Variants in PCSK2 observed in about 807,000 individuals in gnomAD.
The protein encoded by PCSK2 is proprotein convertase subtilisin/kexin type 2, also known as neuroendocrine convertase 2.
PCSK2 carries 14 observed loss-of-function variants against 69.7 expected under a neutral mutation model. The ratio of observed to expected loss-of-function variants is 0.20; its 90% CI spans 0.13 to 0.31. The LOEUF (loss-of-function observed/expected upper bound fraction) is 0.31. Among genes scored for constraint, PCSK2 ranks in the 10% least tolerant of loss-of-function variants. The pLI is 1.00. For synonymous variants in PCSK2, 307 were observed against 320.7 expected, an observed-to-expected ratio of 0.96 and a Z score of 0.46; for missense variants, 544 against 842.5, an observed-to-expected ratio of 0.65 and a Z score of 4.39.
chr20:17,370,975 C>T (rs952364167), intron 5 of PCSK2, among the ~76,000 whole-genome samples: 1 of 152,226 alleles, frequency 6.6e-6, no homozygotes, highest in Non-Finnish European at 1.5e-5. Flanking sequence ...CCACTCCACC[C>T]TCTGCAGACA....
At chr20:17,461,084 C>T (rs1269154959) in intron 10 of PCSK2, among the ~76,000 whole-genome samples, 3 of 152,180 alleles carry the variant, frequency 2.0e-5, no homozygotes, top group Non-Finnish European at 4.4e-5. Flanking sequence ...GGGCTCACCA[C>T]TCATCCTGCC....
rs867695968 is a variant in PCSK2, at chr20:17,382,865, C to T, written c.543+13588C>T. 5.3e-5 allele frequency among the ~76,000 whole-genome samples: 8 copies of T among 152,322 alleles called. No homozygotes were observed. The Middle Eastern group carries it at 0.02, about 389-fold the overall frequency. Reference sequence around the variant, plus strand: ...CTCACGATGAACCAGACTCTACAATCCAGGATTCTCCCTAATTAAAGGCTT... The same window carrying T: ...CTCACGATGAACCAGACTCTACAATTCAGGATTCTCCCTAATTAAAGGCTT... On this transcript the variant is annotated intron_variant, in intron 5 of 11. Coordinates refer to ENST00000262545, the MANE Select transcript of PCSK2 (RefSeq NM_002594.5).
chr20:17,338,081 TC>T (rs1187672941), intron 2 of PCSK2, among the ~76,000 whole-genome samples: 2 of 149,088 alleles, frequency 1.3e-5, no homozygotes, highest in Non-Finnish European at 3.0e-5. Flanking sequence ...GGCCAGTTGC[TC>T]TTACCTGTCC....
intron 2 of PCSK2, among the ~76,000 whole-genome samples, chr20:17,291,024 C>T (rs998087948): frequency 6.6e-6 from 1 of 152,134 alleles, no homozygotes; most frequent in South Asian, 2.1e-4. Context: ...AAGTTCCCAC[C>T]TCTTAATATT....
intron 6 of PCSK2, among the ~76,000 whole-genome samples, chr20:17,424,770 C>G (rs552543051): frequency 3.3e-5 from 5 of 150,146 alleles, no homozygotes; most frequent in Non-Finnish European, 7.4e-5. Context: ...GGATTACAGG[C>G]GTGAGCCACA....
chr20:17,415,485 T>C (rs540220822), intron 6 of PCSK2, among the ~76,000 whole-genome samples: 22 of 152,268 alleles, frequency 1.4e-4, no homozygotes, highest in Non-Finnish European at 2.5e-4. Flanking sequence ...ACAAGGGATG[T>C]GAAGGACCTC....
intron 6 of PCSK2, among the ~76,000 whole-genome samples, chr20:17,427,470 A>G (rs1004434129): frequency 6.6e-6 from 1 of 152,124 alleles, no homozygotes; most frequent in African/African-American, 2.4e-5. Flanking sequence ...CAAAAGCCCC[A>G]ATACAGTCAC....
chr20:17,333,414 A>G (rs1243891694), intron 2 of PCSK2, among the ~76,000 whole-genome samples: 1 of 152,178 alleles, frequency 6.6e-6, no homozygotes, highest in Non-Finnish European at 1.5e-5. Flanking sequence ...CTCATGCTTC[A>G]TGCTCTATCC....
intron 2 of PCSK2, among the ~76,000 whole-genome samples, chr20:17,262,555 C>G (rs145148146): frequency 6.6e-6 from 1 of 151,956 alleles, no homozygotes; most frequent in African/African-American, 2.4e-5. Context: ...TCGTGGTTGT[C>G]TAATTTTGGC....
chr20:17,419,849 G>A (rs2032084317), intron 6 of PCSK2, among the ~76,000 whole-genome samples: 1 of 152,186 alleles, frequency 6.6e-6, no homozygotes, highest in Admixed American at 6.5e-5. Flanking sequence ...CTACTGAAAT[G>A]TCATCCCTGC....
intron 4 of PCSK2, 124 bp from the exon 5 acceptor site, chr20:17,369,116 T>A: frequency 1.3e-6 from 1 of 767,770 alleles, no homozygotes. Flanking sequence ...GATGGGGCAC[T>A]CACCCCCATG....
chr20:17,284,052 T>C (rs1988423080), intron 2 of PCSK2, among the ~76,000 whole-genome samples: 1 of 152,196 alleles, frequency 6.6e-6, no homozygotes, highest in African/African-American at 2.4e-5. Context: ...GCCCTGACTT[T>C]TGTGGGCATT....
intron 11 of PCSK2, among the ~76,000 whole-genome samples, chr20:17,466,182 C>T (rs1162769194): frequency 1.3e-5 from 2 of 152,160 alleles, no homozygotes; most frequent in Non-Finnish European, 2.9e-5. Flanking sequence ...CCCAAAGGCC[C>T]CCTGCCGTGA....
chr20:17,301,953 T>G (rs1334507146), intron 2 of PCSK2, among the ~76,000 whole-genome samples: 2 of 151,900 alleles, frequency 1.3e-5, no homozygotes, highest in African/African-American at 4.8e-5. Context: ...TATTATTATA[T>G]TTTTTTCTCC....
intron 1 of PCSK2, among the ~76,000 whole-genome samples, chr20:17,251,249 CT>C (rs919173110): frequency 6.6e-6 from 1 of 152,106 alleles, no homozygotes; most frequent in Admixed American, 6.5e-5. Context: ...TCTCCCCTCA[CT>C]TTTTTTATTT....
intron 4 of PCSK2, among the ~76,000 whole-genome samples, chr20:17,362,779 T>A (rs1019965938): frequency 1.3e-5 from 2 of 152,212 alleles, no homozygotes; most frequent in African/African-American, 4.8e-5. Context: ...AACTCTGAAT[T>A]TGTGGCCATT....
intron 4 of PCSK2, among the ~76,000 whole-genome samples, chr20:17,365,780 A>G (rs2030568171): frequency 6.6e-6 from 1 of 152,212 alleles, no homozygotes; most frequent in African/African-American, 2.4e-5. Flanking sequence ...AAAATCCAAA[A>G]AGGCAAACAA....
Position 17,347,948 on chromosome 20 carries a change from GAAAGAAAGAAAGAGAAAGAA to G in PCSK2, c.283-10377_283-10358del, listed in dbSNP as rs1471341955. On this transcript the variant is annotated intron_variant, in intron 2 of 11. Transcript: ENST00000262545. Reference sequence around the variant, plus strand: ...GAGAGAAAAAAGAGAAAGAAAGAAAGAAAGAAAGAAAGAGAAAGAAAGAAAGAAAGAAAGAGGAGAGAGAA... The same window carrying G: ...GAGAGAAAAAAGAGAAAGAAAGAAAGAGAAAGAAAGAAAGAGGAGAGAGAA... Among the ~76,000 whole-genome samples, 21 of 62,090 alleles carry G rather than the reference GAAAGAAAGAAAGAGAAAGAA, an allele frequency of 3.4e-4. No homozygotes were observed. The South Asian group carries it at 5.5e-3, about 16-fold the overall frequency. 40.7% of individuals were successfully genotyped at this position (62,090 alleles called of 152,430 possible).
chr20:17,342,075 G>A (rs1044764305), intron 2 of PCSK2, among the ~76,000 whole-genome samples: 3 of 152,326 alleles, frequency 2.0e-5, no homozygotes, highest in African/African-American at 7.2e-5. Flanking sequence ...ACAAGAAGGA[G>A]AATTGGAGTA....
Sources: gnomAD v4.1 joint callset for allele counts (sites outside exome capture counted in the v4.1 genomes callset) on GRCh38, gnomAD v4.1.1 for gene constraint, MANE v1.5 for transcripts, NCBI Gene and HGNC (gene_info 2026-07-23, HGNC 2026-07-21) for gene names.